The following RGS6 variants were observed in gnomAD, a reference collection of about 807,000 sequenced individuals.
RGS6 encodes the protein regulator of G protein signaling 6, also known as regulator of G-protein signaling 6.
In RGS6, 30 loss-of-function variants were observed where a neutral mutation model predicts 78.5. That is an observed-to-expected ratio of 0.38 (90% CI 0.29 to 0.52). RGS6 has a LOEUF of 0.52. Ranked by LOEUF, RGS6 falls within the 20% of genes least tolerant of loss-of-function variation. The pLI is 0.85. For synonymous variants in RGS6, 206 were observed against 206.0 expected, an observed-to-expected ratio of 1.00 and a Z score of 0.00; for missense variants, 495 against 609.7, an observed-to-expected ratio of 0.81 and a Z score of 1.98.
the RGS6 span, among the ~76,000 whole-genome samples, chr14:71,905,695 G>T: frequency 6.6e-6 from 1 of 152,126 alleles, no homozygotes; most frequent in Admixed American, 6.5e-5. Context: ...TCACCATGTT[G>T]CCCAGGCTGG....
intron 2 of RGS6, among the ~76,000 whole-genome samples, chr14:72,310,239 A>T (rs2068245389): frequency 6.6e-6 from 1 of 152,222 alleles, no homozygotes. Flanking sequence ...CCTGGCTGTC[A>T]GAGAGGATGC....
chr14:72,053,441 T>G (rs1239808040), intron 2 of RGS6, among the ~76,000 whole-genome samples: 2 of 152,026 alleles, frequency 1.3e-5, no homozygotes, highest in African/African-American at 4.8e-5. Context: ...CTTTGAAGTG[T>G]TGTTCAGGGG....
At chr14:72,158,044 G>A (rs541248741) in intron 2 of RGS6, among the ~76,000 whole-genome samples, 30 of 152,126 alleles carry the variant, frequency 2.0e-4, no homozygotes, top group Middle Eastern at 3.4e-3. Context: ...GTGCCCCAAG[G>A]ATACCATCTT....
the RGS6 span, among the ~76,000 whole-genome samples, chr14:71,891,535 A>G: frequency 6.6e-6 from 1 of 152,164 alleles, no homozygotes; most frequent in Non-Finnish European, 1.5e-5. Flanking sequence ...CAAACATCCT[A>G]ACAAAACTAA....
chr14:72,320,735 GAAAAA>G (rs914706175), intron 2 of RGS6, among the ~76,000 whole-genome samples: 1 of 146,904 alleles, frequency 6.8e-6, no homozygotes, highest in Non-Finnish European at 1.5e-5. Context: ...TTTTGTTATA[GAAAAA>G]AAAAACTAAG....
chr14:72,039,813 A>ATTTTT (rs3053082), intron 2 of RGS6, among the ~76,000 whole-genome samples: 39 of 68,858 alleles, frequency 5.7e-4, no homozygotes, highest in East Asian at 1.1e-3. Flanking sequence ...TGTTTCATTG[A>ATTTTT]TTTTTTTTTT....
chr14:72,160,717 A>G (rs972994649), intron 2 of RGS6, among the ~76,000 whole-genome samples: 2 of 152,336 alleles, frequency 1.3e-5, no homozygotes, highest in South Asian at 2.1e-4. Context: ...GCATGGAGGA[A>G]AGAACATGTG....
intron 2 of RGS6, among the ~76,000 whole-genome samples, chr14:72,128,739 G>A (rs879331273): frequency 1.3e-5 from 2 of 152,142 alleles, no homozygotes; most frequent in East Asian, 3.9e-4. Flanking sequence ...AAAGATGCCC[G>A]GAAACATGTG....
chr14:72,180,117 G>A (rs573994935), intron 2 of RGS6, among the ~76,000 whole-genome samples: 6 of 152,334 alleles, frequency 3.9e-5, no homozygotes, highest in East Asian at 3.9e-4. Flanking sequence ...AGAATCACAA[G>A]CCAAGTTTAT....
chr14:72,102,867 C>T (rs1002622964), intron 2 of RGS6, among the ~76,000 whole-genome samples: 2 of 152,078 alleles, frequency 1.3e-5, no homozygotes, highest in African/African-American at 4.8e-5. Flanking sequence ...AAAGTCTACT[C>T]GTTCGTGAAA....
intron 2 of RGS6, among the ~76,000 whole-genome samples, chr14:72,226,832 C>T (rs2153802830): frequency 6.6e-6 from 1 of 152,242 alleles, no homozygotes; most frequent in East Asian, 1.9e-4. Flanking sequence ...CCTCCAGGCG[C>T]ATTCCACCAT....
chr14:72,413,750 T>C (rs1222863859), intron 3 of RGS6, among the ~76,000 whole-genome samples: 1 of 152,186 alleles, frequency 6.6e-6, no homozygotes, highest in East Asian at 1.9e-4. Context: ...AGGAGCTCTT[T>C]TAGGGCAGGC....
At chr14:72,588,329 G>T in the RGS6 span, among the ~76,000 whole-genome samples, 1 of 152,160 alleles carries the variant, frequency 6.6e-6, no homozygotes, top group East Asian at 1.9e-4. Flanking sequence ...AGAAAGACCT[G>T]GGAGGGACTG....
At chr14:72,264,194 T>C (rs2058655741) in intron 2 of RGS6, among the ~76,000 whole-genome samples, 2 of 152,220 alleles carry the variant, frequency 1.3e-5, no homozygotes, top group African/African-American at 4.8e-5. Context: ...AAACAAGGGA[T>C]CCCGAATTTA....
intron 2 of RGS6, among the ~76,000 whole-genome samples, chr14:71,967,247 G>A (rs1002249938): frequency 6.7e-6 from 1 of 149,744 alleles, no homozygotes; most frequent in East Asian, 1.9e-4. Flanking sequence ...ACCATAAAAG[G>A]GACATTGAAT....
At chr14:72,276,230 A>G (rs571075806) in intron 2 of RGS6, among the ~76,000 whole-genome samples, 1 of 152,198 alleles carries the variant, frequency 6.6e-6, no homozygotes, top group Non-Finnish European at 1.5e-5. Flanking sequence ...TACACTGAAC[A>G]TATCTTTCCT....
At chr14:72,337,614 C>T (rs1195778910) in intron 2 of RGS6, among the ~76,000 whole-genome samples, 1 of 152,170 alleles carries the variant, frequency 6.6e-6, no homozygotes, top group Non-Finnish European at 1.5e-5. Flanking sequence ...CCATCTCCCT[C>T]CTAAATGGGG....
At chr14:72,584,465 C>G in the RGS6 span, among the ~76,000 whole-genome samples, 1 of 152,052 alleles carries the variant, frequency 6.6e-6, no homozygotes, top group Non-Finnish European at 1.5e-5. Context: ...ATTGGGTGGT[C>G]AAGGAAGTCC....
At chr14:72,212,655 G>A (rs2044461594) in intron 2 of RGS6, among the ~76,000 whole-genome samples, 1 of 152,174 alleles carries the variant, frequency 6.6e-6, no homozygotes, top group African/African-American at 2.4e-5. Context: ...CCCAGTATGT[G>A]TTTGTCACTA....
Sources: allele counts gnomAD v4.1 joint callset (sites outside exome capture counted in the v4.1 genomes callset), GRCh38; gene constraint gnomAD v4.1.1; transcripts MANE v1.5; gene names NCBI Gene and HGNC (gene_info 2026-07-23, HGNC 2026-07-21).